The following MACROD2 variants were observed in gnomAD, a reference collection of about 807,000 sequenced individuals.
MACROD2 encodes the protein ADP-ribose glycohydrolase MACROD2.
In MACROD2, 36 loss-of-function variants were observed where a neutral mutation model predicts 70.4. That is an observed-to-expected ratio of 0.51 (90% CI 0.39 to 0.68). The LOEUF is 0.68. MACROD2 is among the 30% of genes least tolerant of loss of function. The probability of loss-of-function intolerance (pLI) is 0.00; values close to 1 mark genes in which losing one functional copy is unlikely to be tolerated. For synonymous variants in MACROD2, 172 were observed against 178.8 expected (o/e 0.96, Z 0.30); for missense variants, 496 against 538.4 (o/e 0.92, Z 0.78).
At chr20:14,818,152 G>A (rs377740110) in intron 5 of MACROD2, among the ~76,000 whole-genome samples, 94 of 152,046 alleles carry the variant, frequency 6.2e-4, no homozygotes, top group African/African-American at 2.1e-3. Context: ...CCCCTGCTGG[G>A]GCCACTGTTC....
chr20:14,305,186 G>T (rs1178659707), intron 3 of MACROD2, among the ~76,000 whole-genome samples: 1 of 152,058 alleles, frequency 6.6e-6, no homozygotes. Context: ...AAGCTCAAAT[G>T]ATCACCACTT....
At chr20:15,490,264 T>TCC (rs748196039) in intron 7 of MACROD2, among the ~76,000 whole-genome samples, 1 of 145,264 alleles carries the variant, frequency 6.9e-6, no homozygotes, top group African/African-American at 2.5e-5. Flanking sequence ...TCCCTTCCCT[T>TCC]CTTTCTCTCT....
chr20:14,705,722 A>G (rs1477120870), intron 5 of MACROD2, among the ~76,000 whole-genome samples: 6 of 152,202 alleles, frequency 3.9e-5, no homozygotes, highest in African/African-American at 1.4e-4. Context: ...TTTTTTTCTA[A>G]TAAGGACTTT....
At chr20:14,779,932 G>T (rs954100051) in intron 5 of MACROD2, among the ~76,000 whole-genome samples, 1 of 152,100 alleles carries the variant, frequency 6.6e-6, no homozygotes, top group Non-Finnish European at 1.5e-5. Flanking sequence ...TATGAGCCAG[G>T]CCCTGTGTTA....
chr20:14,358,774 C>T (rs1339732563), intron 3 of MACROD2, among the ~76,000 whole-genome samples: 1 of 152,224 alleles, frequency 6.6e-6, no homozygotes, highest in Non-Finnish European at 1.5e-5. Flanking sequence ...CCTGCTTTTA[C>T]AGAACAAAGT....
At chr20:14,413,208 T>A (rs1403565549) in intron 3 of MACROD2, among the ~76,000 whole-genome samples, 2 of 145,536 alleles carry the variant, frequency 1.4e-5, no homozygotes, top group East Asian at 4.0e-4. Context: ...TTTTTTTTTG[T>A]CTCCTTAAAT....
intron 5 of MACROD2, among the ~76,000 whole-genome samples, chr20:14,862,352 TATATATATAA>T (rs1421442983): frequency 1.2e-3 from 20 of 17,258 alleles, no homozygotes; most frequent in African/African-American, 4.4e-3. Context: ...TATATAAAAA[TATATATATAA>T]ATATATATAA....
chr20:15,219,040 C>T (rs1056325668), intron 5 of MACROD2, among the ~76,000 whole-genome samples: 9 of 151,200 alleles, frequency 6.0e-5, no homozygotes, highest in Admixed American at 3.3e-4. Context: ...AGCGAGACTC[C>T]GTCTCAAAAA....
At chr20:15,276,944 C>T (rs1292392865) in intron 6 of MACROD2, among the ~76,000 whole-genome samples, 2 of 152,224 alleles carry the variant, frequency 1.3e-5, no homozygotes, top group Admixed American at 6.5e-5. Context: ...TCTTGTAACA[C>T]ATTTATTACC....
chr20:14,891,835 A>G (rs912267490), intron 5 of MACROD2, among the ~76,000 whole-genome samples: 14 of 152,322 alleles, frequency 9.2e-5, no homozygotes, highest in African/African-American at 3.1e-4. Flanking sequence ...TAGGTAATAT[A>G]TTTTTAAAGG....
intron 5 of MACROD2, among the ~76,000 whole-genome samples, chr20:15,209,087 TGTGGTGGTGGTGGTG>T (rs537024871): frequency 2.6e-5 from 4 of 151,570 alleles, no homozygotes; most frequent in South Asian, 4.2e-4. Context: ...ATCCCTTTCC[TGTGGTGGTGGTGGTG>T]GTGGTGGTGG....
chr20:14,228,890 C>G (rs1396194099), intron 3 of MACROD2, among the ~76,000 whole-genome samples: 1 of 151,328 alleles, frequency 6.6e-6, no homozygotes, highest in Non-Finnish European at 1.5e-5. Context: ...GCCCATAATC[C>G]CAGCTACTCA....
intron 3 of MACROD2, among the ~76,000 whole-genome samples, chr20:14,396,023 G>A (rs906537814): frequency 2.6e-5 from 4 of 152,168 alleles, no homozygotes; most frequent in Admixed American, 6.5e-5. Flanking sequence ...CCAAGTAGCT[G>A]GGACTACAGG....
At chr20:15,632,244 G>C (rs1004501419) in intron 8 of MACROD2, among the ~76,000 whole-genome samples, 5 of 151,830 alleles carry the variant, frequency 3.3e-5, no homozygotes, top group Non-Finnish European at 5.9e-5. Flanking sequence ...TTATTCTGAA[G>C]ACAGTCTTTT....
intron 8 of MACROD2, among the ~76,000 whole-genome samples, chr20:15,623,836 A>G (rs466948): frequency 0.37 from 56,034 of 151,748 alleles, 11,070 homozygotes; most frequent in African/African-American, 0.52. Flanking sequence ...CACATAATGC[A>G]TAGTATTCAA....
intron 3 of MACROD2, among the ~76,000 whole-genome samples, chr20:14,343,167 A>G (rs895521334): frequency 2.0e-5 from 3 of 151,904 alleles, no homozygotes; most frequent in African/African-American, 7.3e-5. Context: ...TCCAGCTGAT[A>G]TAGGTCAAAG....
At position 14,661,860 on chromosome 20, in the gene MACROD2, A is replaced by T. The variant is rs115910235; in HGVS notation, c.302-22983A>T. Among the ~76,000 whole-genome samples the T allele has an allele frequency of 6.1e-3, 934 of 152,216 alleles. 9 individuals are homozygous for T. Among genetic ancestry groups the T allele is most frequent in the African/African-American group, 0.02 (839 of 41,548 alleles). On this transcript the variant is annotated intron_variant, in intron 4 of 17. Transcript: ENST00000684519. ...TTGTAATAATATGCTCCCAAGTGAC[A>T]TGGAAGTGACTACTTCTACTGGTCA...
chr20:15,507,446 TTTTC>T (rs2047441392), intron 8 of MACROD2, among the ~76,000 whole-genome samples: 1 of 151,498 alleles, frequency 6.6e-6, no homozygotes, highest in Non-Finnish European at 1.5e-5. Flanking sequence ...CTTCCTTTCT[TTTTC>T]TTTTTTATTT....
intron 6 of MACROD2, among the ~76,000 whole-genome samples, chr20:15,388,331 C>T (rs1238894507): frequency 2.0e-5 from 3 of 152,002 alleles, no homozygotes; most frequent in Admixed American, 6.6e-5. Flanking sequence ...TGGTCTGGAA[C>T]GTGGATTTCA....
Sources: allele counts gnomAD v4.1 joint callset (sites outside exome capture counted in the v4.1 genomes callset), GRCh38; gene constraint gnomAD v4.1.1; transcripts MANE v1.5; gene names NCBI Gene and HGNC (gene_info 2026-07-23, HGNC 2026-07-21).